L3MBTL3: variants seen among roughly 807,000 people sequenced by gnomAD.
L3MBTL3 encodes the protein L3MBTL histone methyl-lysine binding protein 3.
Under a neutral mutation model 102.3 loss-of-function variants are expected in L3MBTL3, and 27 were observed. The observed-to-expected ratio is 0.26, with a 90% CI of 0.19 to 0.36. L3MBTL3 has a LOEUF of 0.36. Among genes scored for constraint, L3MBTL3 ranks in the 10% least tolerant of loss-of-function variants. The pLI is 1.00. For missense variants in L3MBTL3, 798 were observed against 955.3 expected (o/e 0.84, Z 2.17); for synonymous variants, 340 against 320.9 (o/e 1.06, Z -0.64).
intron 13 of L3MBTL3, among the ~76,000 whole-genome samples, chr6:130,078,176 G>A (rs1165297804): frequency 6.6e-6 from 1 of 152,080 alleles, no homozygotes; most frequent in Non-Finnish European, 1.5e-5. Flanking sequence ...TTTGCCCTTA[G>A]CGATACTGAA....
intron 19 of L3MBTL3, among the ~76,000 whole-genome samples, chr6:130,116,929 T>TC (rs1785728243): frequency 6.7e-6 from 1 of 148,932 alleles, no homozygotes; most frequent in Admixed American, 6.6e-5. Context: ...TTATTTTTTT[T>TC]ATTTTTTTTT....
chr6:130,035,834 G>A (rs1393675528), intron 2 of L3MBTL3, among the ~76,000 whole-genome samples: 1 of 152,196 alleles, frequency 6.6e-6, no homozygotes, highest in African/African-American at 2.4e-5. Context: ...TTGTCTGGTA[G>A]CACAGAGGAC....
intron 18 of L3MBTL3, among the ~76,000 whole-genome samples, chr6:130,098,084 C>T (rs1582559790): frequency 6.6e-6 from 1 of 151,926 alleles, no homozygotes; most frequent in South Asian, 2.1e-4. Flanking sequence ...AAAAAGTAAA[C>T]ATTCTGCACA....
At chr6:130,056,287 C>T (rs1200244713) in intron 8 of L3MBTL3, among the ~76,000 whole-genome samples, 1 of 152,126 alleles carries the variant, frequency 6.6e-6, no homozygotes, top group African/African-American at 2.4e-5. Flanking sequence ...AGGAAACCGG[C>T]CCTGAAGCCC....
intron 13 of L3MBTL3, among the ~76,000 whole-genome samples, chr6:130,075,073 A>G (rs1782864453): frequency 2.0e-5 from 3 of 152,090 alleles, no homozygotes; most frequent in Non-Finnish European, 4.4e-5. Flanking sequence ...TAAATTTGGG[A>G]AGCACTGGTT....
intron 19 of L3MBTL3, among the ~76,000 whole-genome samples, chr6:130,106,671 C>T (rs886338316): frequency 2.0e-5 from 3 of 152,134 alleles, no homozygotes; most frequent in African/African-American, 4.8e-5. Context: ...TATGCAGCAA[C>T]GCTGGTCTTA....
intron 10 of L3MBTL3, among the ~76,000 whole-genome samples, chr6:130,062,925 T>A (rs1012515520): frequency 3.9e-5 from 6 of 151,954 alleles, no homozygotes; most frequent in Admixed American, 1.3e-4. Context: ...TGATGCTTAT[T>A]GCTCCTTTTC....
chr6:130,085,375 C>A (rs922116137), intron 15 of L3MBTL3, among the ~76,000 whole-genome samples: 1 of 152,082 alleles, frequency 6.6e-6, no homozygotes, highest in South Asian at 2.1e-4. Context: ...TGCTTTTTGC[C>A]TCCATTACCA....
intron 2 of L3MBTL3, among the ~76,000 whole-genome samples, chr6:130,026,690 G>GA (rs1562246469): frequency 6.6e-6 from 1 of 151,832 alleles, no homozygotes; most frequent in Non-Finnish European, 1.5e-5. Context: ...ACAAACTGTT[G>GA]ATAAAACATT....
At chr6:130,115,155 A>G (rs531925430) in intron 19 of L3MBTL3, among the ~76,000 whole-genome samples, 1 of 152,288 alleles carries the variant, frequency 6.6e-6, no homozygotes, top group Non-Finnish European at 1.5e-5. Context: ...TTACTGGGGA[A>G]GTACAAGTCT....
In L3MBTL3 at chr6:130,105,712, C is replaced by T. The variant is rs558349435; in HGVS notation, c.1886+1137C>T. On this transcript the variant is annotated intron_variant, in intron 19 of 22. Coordinates refer to ENST00000361794, the MANE Select transcript of L3MBTL3 (RefSeq NM_032438.4). ...TAGATACAGGGTTCATTGACTAAAACGGTGGTAAGAATACGCTTTAGATTT... is the reference window on the plus strand; with the variant it reads ...TAGATACAGGGTTCATTGACTAAAATGGTGGTAAGAATACGCTTTAGATTT... Among the ~76,000 whole-genome samples the T allele has an allele frequency of 3.3e-5, 5 of 151,274 alleles. No individual in the cohort carries two copies. The South Asian group carries it at 6.3e-4, about 19-fold the overall frequency.
chr6:130,128,381 C>T (rs1786762169), intron 20 of L3MBTL3, among the ~76,000 whole-genome samples: 1 of 152,232 alleles, frequency 6.6e-6, no homozygotes, highest in African/African-American at 2.4e-5. Flanking sequence ...GTATTCCCAA[C>T]ACCATATCAT....
chr6:130,021,051 T>C (rs1584260172), intron 1 of L3MBTL3, among the ~76,000 whole-genome samples: 1 of 152,068 alleles, frequency 6.6e-6, no homozygotes, highest in South Asian at 2.1e-4. Context: ...GCGTTGTTTG[T>C]GATGTCTTTA....
At chr6:130,071,984 T>A (rs2115013424) in intron 13 of L3MBTL3, among the ~76,000 whole-genome samples, 2 of 152,292 alleles carry the variant, frequency 1.3e-5, no homozygotes, top group East Asian at 3.9e-4. Context: ...TTAAAATGCT[T>A]TCTATTATAT....
chr6:130,026,152 C>T (rs758869293), intron 2 of L3MBTL3, among the ~76,000 whole-genome samples: 10 of 152,200 alleles, frequency 6.6e-5, no homozygotes, highest in East Asian at 1.9e-4. Flanking sequence ...AATTGTATAT[C>T]GAGTGCCTTC....
chr6:130,037,291 C>T (rs1192151184), intron 2 of L3MBTL3, among the ~76,000 whole-genome samples: 2 of 151,820 alleles, frequency 1.3e-5, no homozygotes, highest in Non-Finnish European at 2.9e-5. Flanking sequence ...GTGTACTTGC[C>T]AAAGAAAATA....
chr6:130,019,102 G>A (rs2114352245), intron 1 of L3MBTL3, among the ~76,000 whole-genome samples: 1 of 152,082 alleles, frequency 6.6e-6, no homozygotes, highest in Non-Finnish European at 1.5e-5. Flanking sequence ...AGGCGGCCGC[G>A]TTGGGCTCAG....
intron 9 of L3MBTL3, among the ~76,000 whole-genome samples, chr6:130,058,137 A>G (rs12201492): frequency 0.57 from 77,230 of 135,184 alleles, 24,824 homozygotes; most frequent in East Asian, 0.76. Context: ...GCAACAGAGC[A>G]AGACTCCGTC....
At chr6:130,097,258 GC>G (rs1479301823) in intron 18 of L3MBTL3, among the ~76,000 whole-genome samples, 4 of 152,160 alleles carry the variant, frequency 2.6e-5, no homozygotes, top group African/African-American at 9.7e-5. Context: ...TATTTCACTG[GC>G]TCTTACTTTT....
Sources: gnomAD v4.1 joint callset for allele counts (sites outside exome capture counted in the v4.1 genomes callset) on GRCh38, gnomAD v4.1.1 for gene constraint, MANE v1.5 for transcripts, NCBI Gene and HGNC (gene_info 2026-07-23, HGNC 2026-07-21) for gene names.